MYO15A: variants seen among roughly 807,000 people sequenced by gnomAD.
The protein encoded by MYO15A is myosin XVA.
Under a neutral mutation model 394.6 loss-of-function variants are expected in MYO15A, and 308 were observed. The observed-to-expected ratio is 0.78, with a 90% CI of 0.71 to 0.86. The LOEUF (loss-of-function observed/expected upper bound fraction) is 0.86, where lower values mean the gene tolerates loss of function less well. MYO15A is among the 40% of genes least tolerant of loss of function. MYO15A has a pLI of 0.00. For synonymous variants in MYO15A, 1,957 were observed against 2,003.8 expected (o/e 0.98, Z 0.62); for missense variants, 4,606 against 4,799.1 (o/e 0.96, Z 1.19).
intron 13 of MYO15A, 121 bp from the exon 14 acceptor site, chr17:18,136,296 G>A (rs2046269107): frequency 1.6e-6 from 2 of 1,243,822 alleles, no homozygotes; most frequent in Non-Finnish European, 2.3e-6. Context: ...GTCTCTGTGT[G>A]CACAGTCACA....
intron 10 of MYO15A, among the ~76,000 whole-genome samples, chr17:18,131,926 T>C (rs2046175350): frequency 6.6e-6 from 1 of 152,192 alleles, no homozygotes; most frequent in Non-Finnish European, 1.5e-5. Flanking sequence ...CACTGCTTTA[T>C]TTCTCTCCAG....
At chr17:18,178,527 G>C (rs1415787730) in intron 65 of MYO15A, among the ~76,000 whole-genome samples, 1 of 152,052 alleles carries the variant, frequency 6.6e-6, no homozygotes, top group Admixed American at 6.6e-5. Flanking sequence ...CAGCTCACAC[G>C]GAGCAAAGCC....
chr17:18,146,212 G>T, intron 30 of MYO15A, 105 bp downstream of exon 30: 1 of 1,211,968 alleles, frequency 8.3e-7, no homozygotes, highest in Non-Finnish European at 1.2e-6. Flanking sequence ...TCTCTATGCT[G>T]GGAAGCTCAG....
At position 18,162,592 on chromosome 17, in the gene MYO15A, C is replaced by G; in HGVS notation, c.9525C>G (p.Ala3175=). The G allele has an allele frequency of 1.9e-6, 3 of 1,613,960 alleles. No homozygotes were observed. The highest frequency in any genetic ancestry group is 2.5e-6 in the Non-Finnish European group (3 of 1,179,976). ...RTPGLPFQGI[A]KACEQNLQKT... ...AACTCCCTGCTTCTGCAGGGATCGCCAAGGCCTGCGAGCAGAACCTGCAGA... is the reference window on the plus strand; with the variant it reads ...AACTCCCTGCTTCTGCAGGGATCGCGAAGGCCTGCGAGCAGAACCTGCAGA... Residue 3175 remains alanine (A), a synonymous_variant, in exon 58 of 66, where the codon GCC becomes GCG. Coordinates refer to ENST00000647165, the MANE Select transcript of MYO15A (RefSeq NM_016239.4).
chr17:18,134,030 G>A (rs985214430), intron 12 of MYO15A, among the ~76,000 whole-genome samples: 10 of 148,394 alleles, frequency 6.7e-5, no homozygotes, highest in Non-Finnish European at 1.0e-4. Flanking sequence ...TCGCCCTGTC[G>A]CCAGGCTGGA....
At chr17:18,167,043 C>T (rs1435035587) in intron 61 of MYO15A, among the ~76,000 whole-genome samples, 2 of 152,104 alleles carry the variant, frequency 1.3e-5, no homozygotes, top group African/African-American at 2.4e-5. Flanking sequence ...GAACTGGTGC[C>T]AAAACTTCAG....
At chr17:18,173,644 CA>C in intron 64 of MYO15A, 136 bp from the exon 65 acceptor site, 1 of 1,195,220 alleles carries the variant, frequency 8.4e-7, no homozygotes, top group Non-Finnish European at 1.2e-6. Context: ...CAAGGTCACG[CA>C]AGTCACTGGG....
chr17:18,165,639 T>G (rs2046842438), intron 60 of MYO15A, among the ~76,000 whole-genome samples: 1 of 152,216 alleles, frequency 6.6e-6, no homozygotes, highest in African/African-American at 2.4e-5. Context: ...AGAGTGCCTT[T>G]TGCCAGGAAA....
intron 15 of MYO15A, 83 bp downstream of exon 15, chr17:18,136,769 C>T (rs2142320290): frequency 2.6e-6 from 4 of 1,513,916 alleles, no homozygotes; most frequent in Non-Finnish European, 3.5e-6. Context: ...CCCTTCCCAT[C>T]CCTTTCTGTG....
intron 7 of MYO15A, among the ~76,000 whole-genome samples, chr17:18,129,477 AG>A (rs886368863): frequency 2.6e-5 from 4 of 152,212 alleles, no homozygotes; most frequent in African/African-American, 9.6e-5. Context: ...CAATGGGTGC[AG>A]TATTTCCTGG....
chr17:18,163,719 C>G (rs754636952), intron 59 of MYO15A, 23 bp from the exon 60 acceptor site: 1 of 1,597,078 alleles, frequency 6.3e-7, no homozygotes, highest in Non-Finnish European at 8.5e-7. Flanking sequence ...GGCATGGCCT[C>G]ATCTCTTCCG....
chr17:18,155,440 G>T lies in MYO15A; in HGVS notation c.8459+8G>T. On this transcript the variant is annotated splice_region_variant and intron_variant, in intron 47 of 65. Coordinates refer to ENST00000647165, the MANE Select transcript of MYO15A (RefSeq NM_016239.4). ...GGTCCTGCGTGCATACAGGTGACCAGCAGGGGTGAAGTGGGGCTGGCTGGA... is the reference window on the plus strand; with the variant it reads ...GGTCCTGCGTGCATACAGGTGACCATCAGGGGTGAAGTGGGGCTGGCTGGA... 1.9e-6 allele frequency: 3 copies of T among 1,610,942 alleles called. No homozygotes were observed. Among genetic ancestry groups the T allele is most frequent in the Non-Finnish European group, 2.5e-6 (3 of 1,178,402 alleles).
chr17:18,125,160 CCTT>C lies in MYO15A; in HGVS notation c.3693-5_3693-3del. On this transcript the variant is annotated splice_polypyrimidine_tract_variant and splice_region_variant and intron_variant, in intron 3 of 65. Coordinates refer to ENST00000647165, the MANE Select transcript of MYO15A (RefSeq NM_016239.4). ...GGGCACTGACGGCTTCTCTCTGTGT[CCTT>C]CTAGAGACCTCCAGGAAACCACTGT... 1.2e-6 allele frequency: 2 copies of C among 1,614,048 alleles called. No individual in the cohort carries two copies. Among genetic ancestry groups the C allele is most frequent in the Non-Finnish European group, 1.7e-6 (2 of 1,179,950 alleles).
chr17:18,175,077 CCT>C (rs1175469301), intron 65 of MYO15A, among the ~76,000 whole-genome samples: 3 of 144,298 alleles, frequency 2.1e-5, no homozygotes, highest in African/African-American at 7.7e-5. Flanking sequence ...TGTTCTCCTA[CCT>C]CTTTTTTTTT....
intron 26 of MYO15A, 45 bp from the exon 27 acceptor site, chr17:18,143,670 G>A: frequency 1.9e-6 from 3 of 1,574,160 alleles, no homozygotes; most frequent in Non-Finnish European, 2.6e-6. Flanking sequence ...GCTGGCAGGT[G>A]GGGATGTGGC....
In MYO15A at chr17:18,131,571, CG is replaced by C. The variant is rs771797299; in HGVS notation, c.4206+44del. 5 of 1,610,894 alleles carry C rather than the reference CG, an allele frequency of 3.1e-6. No individual in the cohort carries two copies. The Admixed American group carries it at 5.0e-5, about 16-fold the overall frequency. On this transcript the variant is annotated intron_variant, in intron 10 of 65. Coordinates refer to ENST00000647165, the MANE Select transcript of MYO15A (RefSeq NM_016239.4). ...CCCAGGCCTCTGTGTTGGGCAGGGT[CG>C]GGGTGGGAGGTACAGATACTCAGAG... is the stretch of plus-strand genomic sequence containing the variant.
rs1467088235 is a variant in MYO15A, at chr17:18,120,792, CG to C, written c.1993del (p.Val665CysfsTer63). The C allele has an allele frequency of 7.5e-7, 1 of 1,330,552 alleles. No homozygotes were observed. Among genetic ancestry groups the C allele is most frequent in the South Asian group, 1.8e-5 (1 of 57,096 alleles). The allele number at this position is 1,330,552 out of a possible 1,614,324, so 82.4% of individuals were successfully genotyped here. Reference sequence around the variant, plus strand: ...ACTGGAGCGCGCTCCTGTCTCCGCCCGTGCCCCCGCGGCCCCCAAGCTCCGG... The same window carrying C: ...ACTGGAGCGCGCTCCTGTCTCCGCCCTGCCCCCGCGGCCCCCAAGCTCCGG... ...SHWSALLSPP[V>X]PPRPPSSGPP... On this transcript the variant is annotated frameshift_variant, in exon 2 of 66. Transcript: ENST00000647165. LOFTEE classifies it high-confidence loss of function.
Position 18,119,051 on chromosome 17 carries a change from C to T in MYO15A, c.251C>T (p.Ser84Leu), listed in dbSNP as rs781715805. ...RKARTVLKST[S>L]KLMTQMRMGK... ...GCCCGCACCGTGCTCAAGTCCACGTCAAAGCTCATGACGCAGATGCGCATG... is the reference window on the plus strand; with the variant it reads ...GCCCGCACCGTGCTCAAGTCCACGTTAAAGCTCATGACGCAGATGCGCATG... Residue 84 changes from serine (S) to leucine (L), a missense_variant, in exon 2 of 66, where the codon TCA becomes TTA. This residue lies in a region of MYO15A where 1,830 missense variants were observed against 1,689.7 expected (regional missense o/e 1.08). Transcript: ENST00000647165. The T allele has an allele frequency of 1.2e-6, 2 of 1,612,518 alleles. No homozygotes were observed. Among genetic ancestry groups the T allele is most frequent in the Non-Finnish European group, 1.7e-6 (2 of 1,179,834 alleles).
intron 65 of MYO15A, among the ~76,000 whole-genome samples, chr17:18,174,131 G>A (rs941476535): frequency 1.3e-5 from 2 of 152,188 alleles, no homozygotes; most frequent in Non-Finnish European, 2.9e-5. Context: ...AGGGCAGTAC[G>A]GAGCCATAGA....
Sources: gnomAD v4.1 joint callset for allele counts (sites outside exome capture counted in the v4.1 genomes callset) on GRCh38, gnomAD v4.1.1 for gene constraint, gnomAD v4.1.1 regional missense constraint, MANE v1.5 for transcripts, NCBI Gene and HGNC (gene_info 2026-07-23, HGNC 2026-07-21) for gene names.